Variants in GPC5 observed in about 807,000 individuals in gnomAD.
The protein encoded by GPC5 is glypican 5.
GPC5 carries 47 observed loss-of-function variants against 53.9 expected under a neutral mutation model. That is an observed-to-expected ratio of 0.87 (90% CI 0.69 to 1.11). GPC5 has a LOEUF of 1.11. Among genes scored for constraint, GPC5 ranks in the 50% most tolerant of loss-of-function variants. The probability of loss-of-function intolerance (pLI) is 0.00; values close to 1 mark genes in which losing one functional copy is unlikely to be tolerated. For missense variants in GPC5, 748 were observed against 713.1 expected (o/e 1.05, Z -0.56); for synonymous variants, 286 against 263.3 (o/e 1.09, Z -0.84).
chr13:91,705,693 AC>A (rs34721619), intron 3 of GPC5, among the ~76,000 whole-genome samples: 11,224 of 113,274 alleles, frequency 0.099, 631 homozygotes, highest in African/African-American at 0.19. Context: ...CTCTAAAAAC[AC>A]CCCCCCCCCC....
intron 7 of GPC5, among the ~76,000 whole-genome samples, chr13:92,837,611 T>C (rs1234549563): frequency 6.6e-6 from 1 of 152,034 alleles, no homozygotes; most frequent in Non-Finnish European, 1.5e-5. Context: ...GGCTGTGTAA[T>C]GTAGAGTAAG....
intron 5 of GPC5, among the ~76,000 whole-genome samples, chr13:91,814,790 C>A (rs1268958212): frequency 1.2e-4 from 19 of 152,136 alleles, no homozygotes; most frequent in Non-Finnish European, 5.9e-5. Flanking sequence ...ATCCGCCCAC[C>A]TCAGCCTCCC....
chr13:91,433,339 A>G (rs1879644833), intron 1 of GPC5, among the ~76,000 whole-genome samples: 2 of 149,494 alleles, frequency 1.3e-5, no homozygotes, highest in South Asian at 2.2e-4. Context: ...TCCAAATGCT[A>G]TCCCTACCCC....
At chr13:92,233,098 C>T (rs1007045166) in intron 7 of GPC5, among the ~76,000 whole-genome samples, 10 of 152,324 alleles carry the variant, frequency 6.6e-5, no homozygotes, top group African/African-American at 2.4e-4. Flanking sequence ...AATGCTTTTA[C>T]ACTTGGTCAT....
chr13:92,752,799 C>T (rs1465778064), intron 7 of GPC5, among the ~76,000 whole-genome samples: 1 of 152,180 alleles, frequency 6.6e-6, no homozygotes, highest in African/African-American at 2.4e-5. Flanking sequence ...AAAAACAGCG[C>T]ACCACGAGAT....
At chr13:92,282,118 G>A (rs578123358) in intron 7 of GPC5, among the ~76,000 whole-genome samples, 19 of 152,292 alleles carry the variant, frequency 1.2e-4, no homozygotes, top group East Asian at 7.7e-4. Context: ...TTCAGTAGCC[G>A]ATTCGATCAA....
chr13:91,992,958 T>A (rs901240479), intron 6 of GPC5, among the ~76,000 whole-genome samples: 3 of 152,220 alleles, frequency 2.0e-5, no homozygotes, highest in Non-Finnish European at 4.4e-5. Flanking sequence ...AAGATAGTTG[T>A]AACACAAAGG....
At chr13:92,863,180 G>C (rs1016660864) in intron 7 of GPC5, among the ~76,000 whole-genome samples, 1 of 152,112 alleles carries the variant, frequency 6.6e-6, no homozygotes, top group African/African-American at 2.4e-5. Context: ...TATTGACTTG[G>C]TGGTGCCAAG....
At chr13:91,423,931 T>C (rs1279179685) in intron 1 of GPC5, among the ~76,000 whole-genome samples, 3 of 152,208 alleles carry the variant, frequency 2.0e-5, no homozygotes, top group Non-Finnish European at 4.4e-5. Context: ...AACTTAAAAG[T>C]TTCCAATTCA....
intron 7 of GPC5, among the ~76,000 whole-genome samples, chr13:92,444,693 A>G (rs1267990769): frequency 6.7e-6 from 1 of 148,674 alleles, no homozygotes; most frequent in African/African-American, 2.5e-5. Context: ...GGAAGAAAAG[A>G]GAAGAGTGGA....
intron 7 of GPC5, chr13:92,239,692 A>C (rs2042595792): frequency 3.9e-5 from 6 of 152,048 alleles, no homozygotes; most frequent in Admixed American, 3.3e-4. Context: ...AAATTATTAT[A>C]GTTATAATCT....
At chr13:91,420,495 T>C (rs1461777562) in intron 1 of GPC5, among the ~76,000 whole-genome samples, 1 of 152,186 alleles carries the variant, frequency 6.6e-6, no homozygotes, top group East Asian at 1.9e-4. Context: ...TTTCTTACCC[T>C]CAGAGCCAGC....
At chr13:91,669,244 G>A (rs570978009) in intron 2 of GPC5, among the ~76,000 whole-genome samples, 46 of 152,238 alleles carry the variant, frequency 3.0e-4, no homozygotes, top group Admixed American at 4.6e-4. Context: ...TGTGCATTAC[G>A]AGCACACTGC....
At chr13:92,305,464 T>A (rs925895269) in intron 7 of GPC5, among the ~76,000 whole-genome samples, 27 of 152,130 alleles carry the variant, frequency 1.8e-4, no homozygotes, top group African/African-American at 6.3e-4. Flanking sequence ...CCCTTTTTTT[T>A]AAATTGGATC....
At chr13:91,432,203 C>CTGCTGTGTGTGTA (rs1555306318) in intron 1 of GPC5, among the ~76,000 whole-genome samples, 12 of 136,354 alleles carry the variant, frequency 8.8e-5, no homozygotes, top group African/African-American at 3.3e-4. Flanking sequence ...GCTGCTGCTG[C>CTGCTGTGTGTGTA]TGTGTGTGTG....
At chr13:92,612,274 G>A (rs934743219) in intron 7 of GPC5, among the ~76,000 whole-genome samples, 4 of 151,950 alleles carry the variant, frequency 2.6e-5, no homozygotes, top group South Asian at 2.1e-4. Context: ...AGCACATCAC[G>A]AATTGTGCTG....
intron 2 of GPC5, among the ~76,000 whole-genome samples, chr13:91,676,443 A>T (rs1370879005): frequency 6.6e-6 from 1 of 152,160 alleles, no homozygotes; most frequent in African/African-American, 2.4e-5. Flanking sequence ...CATCATGGAT[A>T]TAGGTGTACT....
intron 2 of GPC5, among the ~76,000 whole-genome samples, chr13:91,463,746 C>G (rs1379251125): frequency 6.6e-6 from 1 of 152,018 alleles, no homozygotes; most frequent in Admixed American, 6.6e-5. Flanking sequence ...GAAACCTAAA[C>G]TTTGTACATT....
intron 7 of GPC5, among the ~76,000 whole-genome samples, chr13:92,285,331 A>G (rs2042946191): frequency 6.6e-6 from 1 of 152,212 alleles, no homozygotes; most frequent in Non-Finnish European, 1.5e-5. Flanking sequence ...TAATTTATAG[A>G]TTCAATGCCA....
Sources: gnomAD v4.1 joint callset for allele counts (sites outside exome capture counted in the v4.1 genomes callset) on GRCh38, gnomAD v4.1.1 for gene constraint, MANE v1.5 for transcripts, NCBI Gene and HGNC (gene_info 2026-07-23, HGNC 2026-07-21) for gene names.